ZNF618: variants seen among roughly 807,000 people sequenced by gnomAD.
ZNF618 encodes the protein neural precursor cell expressed, developmentally down-regulated 10.
In ZNF618, 34 loss-of-function variants were observed where a neutral mutation model predicts 103.0. The observed-to-expected ratio is 0.33, with a 90% CI of 0.25 to 0.44. ZNF618 has a LOEUF of 0.44. Among genes scored for constraint, ZNF618 ranks in the 20% least tolerant of loss-of-function variants. The pLI is 1.00. For synonymous variants in ZNF618, 551 were observed against 542.2 expected, an observed-to-expected ratio of 1.02 and a Z score of -0.23; for missense variants, 1,059 against 1,295.4, an observed-to-expected ratio of 0.82 and a Z score of 2.80.
intron 1 of ZNF618, among the ~76,000 whole-genome samples, chr9:113,950,740 C>A (rs947682979): frequency 6.6e-6 from 1 of 152,142 alleles, no homozygotes; most frequent in African/African-American, 2.4e-5. Flanking sequence ...ATCAGAGGGG[C>A]TCCAACCCGG....
intron 11 of ZNF618, 90 bp downstream of exon 11, chr9:114,029,062 G>A: frequency 6.8e-7 from 1 of 1,474,622 alleles, no homozygotes; most frequent in Non-Finnish European, 9.0e-7. Context: ...TTGTTGCCTT[G>A]CAAGAGCAAG....
intron 1 of ZNF618, among the ~76,000 whole-genome samples, chr9:113,951,497 G>A (rs57193913): frequency 0.02 from 746 of 36,842 alleles, 26 homozygotes; most frequent in Non-Finnish European, 0.022. Flanking sequence ...ATGTGTGTAT[G>A]TGTACACATA....
At chr9:114,031,811 A>G (rs966820404) in intron 11 of ZNF618, among the ~76,000 whole-genome samples, 4 of 150,942 alleles carry the variant, frequency 2.7e-5, no homozygotes, top group Admixed American at 6.6e-5. Flanking sequence ...TGAGGTCTTT[A>G]TCTCTGGGAT....
intron 1 of ZNF618, among the ~76,000 whole-genome samples, chr9:113,893,726 CTT>C (rs991271664): frequency 5.9e-5 from 9 of 152,074 alleles, no homozygotes; most frequent in Admixed American, 2.6e-4. Flanking sequence ...TGATTTTCCA[CTT>C]ATAAAATTAT....
chr9:113,997,023 G>A (rs1198151632), intron 3 of ZNF618, among the ~76,000 whole-genome samples: 1 of 151,994 alleles, frequency 6.6e-6, no homozygotes, highest in Non-Finnish European at 1.5e-5. Context: ...GATGGTGGAC[G>A]GAAATGAGAC....
intron 10 of ZNF618, among the ~76,000 whole-genome samples, chr9:114,026,587 G>A (rs766572864): frequency 3.3e-5 from 5 of 152,236 alleles, no homozygotes; most frequent in Admixed American, 6.5e-5. Context: ...AGGAGTGCAC[G>A]GCCTTGTGCC....
chr9:113,917,906 C>T (rs1832272248), intron 1 of ZNF618, among the ~76,000 whole-genome samples: 1 of 152,158 alleles, frequency 6.6e-6, no homozygotes, highest in African/African-American at 2.4e-5. Context: ...AATATTTACA[C>T]AAGAAATTGG....
At chr9:113,911,223 T>C (rs559175354) in intron 1 of ZNF618, among the ~76,000 whole-genome samples, 11 of 152,332 alleles carry the variant, frequency 7.2e-5, no homozygotes, top group African/African-American at 2.6e-4. Context: ...GTGCTCTTTA[T>C]AGAAAAAGAA....
At position 114,028,756 on chromosome 9, in the gene ZNF618, C is replaced by T. The variant is rs1843734561; in HGVS notation, c.868C>T (p.Pro290Ser). The change falls in exon 11 of 15, where the codon CCG becomes TCG. Residue 290 changes from proline to serine, a missense_variant. Pro to Ser is a moderately conservative substitution (Grantham distance 74). Coordinates refer to ENST00000374126, the MANE Select transcript of ZNF618 (RefSeq NM_001318042.2). ...AGGTACTGCCCCCGGGTGGGAGCCA[C>T]CGGATGATCCAGACACGGGCTCTGA... ...PISTAPGWEP[P>S]DDPDTGSECS... The T allele has an allele frequency of 6.5e-7, 1 of 1,550,342 alleles. No homozygotes were observed.
intron 9 of ZNF618, chr9:114,016,224 A>C: frequency 7.0e-7 from 1 of 1,427,470 alleles, no homozygotes; most frequent in Non-Finnish European, 9.9e-7. Context: ...CCCTGCTGCT[A>C]GTGGGTGGGG....
intron 11 of ZNF618, 92 bp from the exon 12 acceptor site, chr9:114,032,553 A>G (rs1844177687): frequency 1.7e-6 from 2 of 1,154,408 alleles, no homozygotes; most frequent in Non-Finnish European, 1.3e-6. Flanking sequence ...GGCCCAGCAG[A>G]GTCCTTGGCC....
intron 1 of ZNF618, among the ~76,000 whole-genome samples, chr9:113,907,771 C>T (rs1831121496): frequency 6.6e-6 from 1 of 152,182 alleles, no homozygotes. Context: ...AGGTTGAGAG[C>T]CACAGTTAGA....
chr9:114,011,973 TG>T lies in ZNF618; in HGVS notation c.754+3422del, dbSNP rs1343435199. 1.1e-4 allele frequency among the ~76,000 whole-genome samples: 17 copies of T among 151,920 alleles called. No individual in the cohort carries two copies. In the East Asian group the frequency reaches 2.5e-3, roughly 22 times the overall value. On this transcript the variant is annotated intron_variant, in intron 9 of 14. Coordinates refer to ENST00000374126, the MANE Select transcript of ZNF618 (RefSeq NM_001318042.2). ...AACAGAGTAAGTCTGGAGTCATGTA[TG>T]GGTTACTTGATTTTTATGCCTGAAT...
At chr9:113,953,893 G>C (rs1001499465) in intron 1 of ZNF618, among the ~76,000 whole-genome samples, 3 of 152,108 alleles carry the variant, frequency 2.0e-5, no homozygotes, top group Non-Finnish European at 4.4e-5. Flanking sequence ...GAGTATAGCA[G>C]CCAGTTGATC....
In ZNF618 at chr9:114,041,855, A is replaced by G. The variant is rs1393939208; in HGVS notation, c.1246+5478A>G. ...ATAAACTTTAAAGTAGTTTTTTCCA[A>G]TTCTGTGAAGAAAGTCATCGGTAGC... On this transcript the variant is annotated intron_variant, in intron 13 of 14. Transcript: ENST00000374126. Among the ~76,000 whole-genome samples, 10 of 152,182 alleles carry G rather than the reference A, an allele frequency of 6.6e-5. 1 individual carries two copies. Among genetic ancestry groups the G allele is most frequent in the Non-Finnish European group, 1.2e-4 (8 of 68,028 alleles).
intron 3 of ZNF618, among the ~76,000 whole-genome samples, chr9:113,994,344 C>G (rs1279317817): frequency 3.9e-5 from 6 of 152,202 alleles, no homozygotes; most frequent in Non-Finnish European, 1.5e-5. Context: ...AGGTTGTTGG[C>G]AGGGCCTCAC....
chr9:114,038,532 G>A (rs116910486), intron 13 of ZNF618, among the ~76,000 whole-genome samples: 67 of 152,326 alleles, frequency 4.4e-4, no homozygotes, highest in South Asian at 1.7e-3. Context: ...AGTTCACAGC[G>A]CCGACGATAA....
intron 9 of ZNF618, among the ~76,000 whole-genome samples, chr9:114,010,245 G>A (rs1842115559): frequency 6.7e-6 from 1 of 148,546 alleles, no homozygotes; most frequent in Admixed American, 6.8e-5. Context: ...AGGTTGCATT[G>A]AGCTGAGATT....
intron 5 of ZNF618, 105 bp from the exon 6 acceptor site, chr9:114,002,519 T>C: frequency 7.6e-7 from 1 of 1,309,666 alleles, no homozygotes; most frequent in Non-Finnish European, 1.1e-6. Flanking sequence ...GGTGCGGGAC[T>C]GTGAGCTCTT....
Sources: allele counts gnomAD v4.1 joint callset (sites outside exome capture counted in the v4.1 genomes callset), GRCh38; gene constraint gnomAD v4.1.1; transcripts MANE v1.5; gene names NCBI Gene and HGNC (gene_info 2026-07-23, HGNC 2026-07-21).